The following JMJD4 variants were observed in gnomAD, a reference collection of about 807,000 sequenced individuals.
JMJD4 encodes jumonji domain containing 4.
In JMJD4, 34 loss-of-function variants were observed where a neutral mutation model predicts 36.3. The observed-to-expected ratio is 0.94, with a 90% CI of 0.71 to 1.25. The LOEUF is 1.25. Among genes scored for constraint, JMJD4 ranks in the 50% most tolerant of loss-of-function variants. The probability of loss-of-function intolerance (pLI) is 0.00; values close to 1 mark genes in which losing one functional copy is unlikely to be tolerated. For synonymous variants in JMJD4, 269 were observed against 235.3 expected, an observed-to-expected ratio of 1.14 and a Z score of -1.31; for missense variants, 584 against 559.1, an observed-to-expected ratio of 1.04 and a Z score of -0.45.
At chr1:227,732,778 T>G in intron 5 of JMJD4, 102 bp from the exon 6 acceptor site, 1 of 1,591,166 alleles carries the variant, frequency 6.3e-7, no homozygotes, top group Non-Finnish European at 8.5e-7. Flanking sequence ...AAGGGACCAT[T>G]AAGACAGAGG....
chr1:227,732,246 C>A lies in JMJD4; in HGVS notation c.*146G>T. 1 of 932,024 alleles carries A rather than the reference C, an allele frequency of 1.1e-6. No homozygotes were observed. Among genetic ancestry groups the A allele is most frequent in the Non-Finnish European group, 1.6e-6 (1 of 606,140 alleles). 57.7% of individuals were successfully genotyped at this position (932,024 alleles called of 1,614,324 possible). ...ATTGGGCCTCACCTGAAAACAGGCA[C>A]CCAGGCAGTGGCCATGAACAGCCAG... On this transcript the variant is annotated 3_prime_UTR_variant, in exon 6 of 6. Transcript: ENST00000620518.
At position 227,733,582 on chromosome 1, in the gene JMJD4, G is replaced by C; in HGVS notation, c.654C>G (p.Ala218=). ...WLLFPPGQEE[A]LRDRHGNLPY... ...GCAGGTTGCCGTGGCGGTCCCGCAG[G>C]GCCTCTTCCTGCCCTGGGGGGAAGA... Residue 218 remains alanine, a synonymous_variant, in exon 4 of 6, where the codon GCC becomes GCG. Transcript: ENST00000620518. 1 of 1,607,470 alleles carries C rather than the reference G, an allele frequency of 6.2e-7. No individual in the cohort carries two copies. The highest frequency in any genetic ancestry group is 1.1e-5 in the South Asian group (1 of 90,726).
Position 227,733,677 on chromosome 1 carries a change from G to A in JMJD4, c.559C>T (p.Pro187Ser), listed in dbSNP as rs1660833865. The change falls in exon 4 of 6, where the codon CCG becomes TCG. Residue 187 changes from proline to serine, a missense_variant. Coordinates refer to ENST00000620518, the MANE Select transcript of JMJD4 (RefSeq NM_023007.3). ...GAGCGGAAGATGTCAGCATGGAACG[G>A]GGACCTGCGGCAGCAAGAGCGCCTG... ...VYAGPAGSWS[P>S]FHADIFRSFS... The A allele has an allele frequency of 1.9e-6, 3 of 1,600,260 alleles. No homozygotes were observed. The highest frequency in any genetic ancestry group is 1.7e-6 in the Non-Finnish European group (2 of 1,179,870).
Position 227,733,646 on chromosome 1 carries a change from C to T in JMJD4, c.590G>A (p.Ser197Asn). Residue 197 changes from serine to asparagine, a missense_variant, in exon 4 of 6, where the codon AGC (serine) becomes AAC (asparagine). Physicochemically the swap from Ser to Asn is conservative, Grantham distance 46. Transcript: ENST00000620518. Reference sequence around the variant, plus strand: ...CCTCCCACAGACATTGACAGACCAGCTGAAGGAGCGGAAGATGTCAGCATG... The same window carrying T: ...CCTCCCACAGACATTGACAGACCAGTTGAAGGAGCGGAAGATGTCAGCATG... ...PFHADIFRSF[S>N]WSVNVCGRKK... 7 of 1,603,710 alleles carry T rather than the reference C, an allele frequency of 4.4e-6. No individual in the cohort carries two copies. Among genetic ancestry groups the T allele is most frequent in the Non-Finnish European group, 5.1e-6 (6 of 1,179,700 alleles).
Position 227,732,255 on chromosome 1 carries a change from TG to T in JMJD4, c.*136del. 1 of 1,005,674 alleles carries T rather than the reference TG, an allele frequency of 9.9e-7. No homozygotes were observed. Among genetic ancestry groups the T allele is most frequent in the Non-Finnish European group, 1.5e-6 (1 of 668,260 alleles). 62.3% of individuals were successfully genotyped at this position (1,005,674 alleles called of 1,614,324 possible). ...CACCTGAAAACAGGCACCCAGGCAG[TG>T]GCCATGAACAGCCAGGCCACAAGCC... On this transcript the variant is annotated 3_prime_UTR_variant, in exon 6 of 6. Transcript: ENST00000620518.
In JMJD4 at chr1:227,735,266, C is replaced by T; in HGVS notation, c.8G>A (p.Arg3His). 6.2e-7 allele frequency: 1 copy of T among 1,605,338 alleles called. No individual in the cohort carries two copies. MDRETRALADSHF... is the reference protein window; with the variant it reads MDHETRALADSHF... ...GCTGTCGGCGAGGGCGCGCGTCTCG[C>T]GGTCCATCCAGCTCAGCACGGGTCG... The change falls in exon 1 of 6, where the codon CGC becomes CAC. Residue 3 changes from arginine (R) to histidine (H), a missense_variant. Transcript: ENST00000620518.
chr1:227,734,455 A>G, intron 2 of JMJD4, 196 bp downstream of exon 2: 1 of 508,604 alleles, frequency 2.0e-6, no homozygotes, highest in South Asian at 4.0e-5. Flanking sequence ...AAAAGGAAAA[A>G]AAACCATATT....
At position 227,735,250 on chromosome 1, in the gene JMJD4, G is replaced by C. The variant is rs1661015860; in HGVS notation, c.24C>G (p.Leu8=). Reference sequence around the variant, plus strand: ...CCAGGCCTCGGAAGTGGCTGTCGGCGAGGGCGCGCGTCTCGCGGTCCATCC... The same window carrying C: ...CCAGGCCTCGGAAGTGGCTGTCGGCCAGGGCGCGCGTCTCGCGGTCCATCC... MDRETRA[L]ADSHFRGLGV... is the part of the protein sequence containing the mutation. The change falls in exon 1 of 6, where the codon CTC becomes CTG. Residue 8 remains leucine, a synonymous_variant. Transcript: ENST00000620518. The C allele has an allele frequency of 1.2e-6, 2 of 1,602,286 alleles. No homozygotes were observed. The highest frequency in any genetic ancestry group is 1.7e-5 in the Admixed American group (1 of 59,276).
rs1558183956 is a variant in JMJD4, at chr1:227,734,742, TGA to T, written c.335_336del (p.Leu112GlnfsTer52). ...YNSNPKEHMT[L>X]RDYITYWKEY... is the part of the protein sequence containing the mutation. ...TCTTTCCAGTAGGTGATGTAGTCTCTGAGAGTCATGTGCTCTTTGGGGTTCGA... is the reference window on the plus strand; with the variant it reads ...TCTTTCCAGTAGGTGATGTAGTCTCTGAGTCATGTGCTCTTTGGGGTTCGA... On this transcript the variant is annotated frameshift_variant, in exon 2 of 6. Transcript: ENST00000620518. LOFTEE classifies it high-confidence loss of function. 3.1e-6 allele frequency: 5 copies of T among 1,614,194 alleles called. No individual in the cohort carries two copies. The highest frequency in any genetic ancestry group is 4.2e-6 in the Non-Finnish European group (5 of 1,180,006).
Position 227,734,724 on chromosome 1 carries a change from A to T in JMJD4, c.355T>A (p.Trp119Arg), listed in dbSNP as rs1660950582. 6.2e-7 allele frequency: 1 copy of T among 1,614,136 alleles called. No homozygotes were observed. Among genetic ancestry groups the T allele is most frequent in the Non-Finnish European group, 8.5e-7 (1 of 1,179,986 alleles). ...HMTLRDYITY[W>R]KEYIQAGYSS... ...TAGCCCGCCTGTATGTACTCTTTCC[A>T]GTAGGTGATGTAGTCTCTGAGAGTC... Residue 119 changes from tryptophan to arginine, a missense_variant, in exon 2 of 6, where the codon TGG becomes AGG. Physicochemically the swap from Trp to Arg is moderately radical, Grantham distance 101. Coordinates refer to ENST00000620518, the MANE Select transcript of JMJD4 (RefSeq NM_023007.3).
rs1014350155 is a variant in JMJD4 at position 227,734,034 on chromosome 1, T to C, written c.429-2A>G. 10 of 1,612,232 alleles carry C rather than the reference T, an allele frequency of 6.2e-6. No homozygotes were observed. Among genetic ancestry groups the C allele is most frequent in the Middle Eastern group, 1.6e-4 (1 of 6,072 alleles). Reference sequence around the variant, plus strand: ...AAAACGTCCTCCACCGGAAAGTCCCTGTGAGGAGGGCGCAAGGGCACCACC... The same window carrying C: ...AAAACGTCCTCCACCGGAAAGTCCCCGTGAGGAGGGCGCAAGGGCACCACC... On this transcript the variant is annotated splice_acceptor_variant, in intron 2 of 5. Coordinates refer to ENST00000620518, the MANE Select transcript of JMJD4 (RefSeq NM_023007.3). LOFTEE classifies it high-confidence loss of function.
intron 4 of JMJD4, 136 bp downstream of exon 4, chr1:227,733,278 C>T (rs1660797004): frequency 2.0e-6 from 2 of 994,480 alleles, no homozygotes; most frequent in South Asian, 1.7e-5. Flanking sequence ...CTCAGCGACA[C>T]CACCTTGTGA....
chr1:227,733,162 G>C, intron 4 of JMJD4, 135 bp from the exon 5 acceptor site: 1 of 1,055,798 alleles, frequency 9.5e-7, no homozygotes. Context: ...TCCCAGCAGG[G>C]CTTGCTCAGC....
In JMJD4 at chr1:227,734,942, G is replaced by A. The variant is rs535479654; in HGVS notation, c.262+70C>T. The A allele has an allele frequency of 8.3e-5, 124 of 1,500,714 alleles. 2 individuals carry two copies. The South Asian group carries it at 1.5e-3, about 19-fold the overall frequency. The allele number at this position is 1,500,714 out of a possible 1,614,324, so 93.0% of individuals were successfully genotyped here. ...CACCCTCCCTGGTGCCCCTCTCTAG[G>A]CGGGGGCCTCCCGGGCCTGGGTCCC... On this transcript the variant is annotated intron_variant, in intron 1 of 5. Transcript: ENST00000620518.
Position 227,731,387 on chromosome 1 carries a change from C to T in JMJD4, c.*1005G>A, listed in dbSNP as rs532910226. 7 of 152,360 alleles carry T rather than the reference C, an allele frequency of 4.6e-5. No homozygotes were observed. In the East Asian group the frequency reaches 7.7e-4, roughly 17 times the overall value. The allele number at this position is 152,360 out of a possible 1,614,324, so 9.4% of individuals were successfully genotyped here. A position where few individuals can be genotyped will look rare whatever the true frequency, so the allele number is the denominator to read the frequency against. ...CAATGTGCATAGCCATGGCACGTGC[C>T]GTCCCTGTGGATTCGGATGCCTCCT... On this transcript the variant is annotated 3_prime_UTR_variant, in exon 6 of 6. Transcript: ENST00000620518.
Position 227,732,608 on chromosome 1 carries a change from CTCAGCGAT to C in JMJD4, c.1030_1037del (p.Ile344GlufsTer12). ...CCTCCCTCAGGACCAGGAGCCTCTT[CTCAGCGAT>C]GACCTTGAGGAAGTGGTAAAACTCT... On this transcript the variant is annotated frameshift_variant, in exon 6 of 6. Coordinates refer to ENST00000620518, the MANE Select transcript of JMJD4 (RefSeq NM_023007.3). LOFTEE classifies it low-confidence loss of function (END_TRUNC). The C allele has an allele frequency of 6.2e-7, 1 of 1,613,586 alleles. No individual in the cohort carries two copies. Among genetic ancestry groups the C allele is most frequent in the Non-Finnish European group, 8.5e-7 (1 of 1,180,042 alleles).
In JMJD4 at chr1:227,732,235, G is replaced by A; in HGVS notation, c.*157C>T. The A allele has an allele frequency of 1.2e-6, 1 of 849,342 alleles. No individual in the cohort carries two copies. The highest frequency in any genetic ancestry group is 2.6e-5 in the East Asian group (1 of 38,970). 52.6% of individuals were successfully genotyped at this position (849,342 alleles called of 1,614,324 possible). The stretch of plus-strand genomic sequence containing the variant: ...TCCCTGACCTCATTGGGCCTCACCT[G>A]AAAACAGGCACCCAGGCAGTGGCCA... On this transcript the variant is annotated 3_prime_UTR_variant, in exon 6 of 6. Transcript: ENST00000620518.
rs371499677 is a variant in JMJD4 at position 227,733,034 on chromosome 1, G to A, written c.823-7C>T. 4.9e-5 allele frequency: 79 copies of A among 1,613,364 alleles called. 1 individual carries two copies. In the African/African-American group the frequency reaches 7.9e-4, roughly 16 times the overall value. On this transcript the variant is annotated splice_region_variant and splice_polypyrimidine_tract_variant and intron_variant, in intron 4 of 5. Transcript: ENST00000620518. ...TGATGGAGATGGTGTCATCCTGGAA[G>A]GGGCACAGTGCAGGCAGGCCTGAGC...
At chr1:227,734,947 G>A in intron 1 of JMJD4, 65 bp downstream of exon 1, 1 of 1,494,238 alleles carries the variant, frequency 6.7e-7, no homozygotes, top group Non-Finnish European at 8.9e-7. Flanking sequence ...TCTAGGCGGG[G>A]GCCTCCCGGG....
Sources: gnomAD v4.1 joint callset for allele counts on GRCh38, gnomAD v4.1.1 for gene constraint, MANE v1.5 for transcripts, NCBI Gene and HGNC (gene_info 2026-07-23, HGNC 2026-07-21) for gene names.